Variants in STPG2 observed in about 807,000 individuals in gnomAD.
STPG2 encodes the protein sperm tail PG-rich repeat containing 2.
In STPG2, 56 loss-of-function variants were observed where a neutral mutation model predicts 54.2. The observed-to-expected ratio is 1.03, with a 90% confidence interval of 0.83 to 1.29. STPG2 has a LOEUF of 1.29. Ranked by LOEUF, STPG2 falls within the 50% of genes most tolerant of loss-of-function variation. STPG2 has a pLI of 0.00. For missense variants in STPG2, 596 were observed against 544.9 expected, an observed-to-expected ratio of 1.09 and a Z score of -0.93; for synonymous variants, 200 against 181.8, an observed-to-expected ratio of 1.10 and a Z score of -0.81.
intron 10 of STPG2, among the ~76,000 whole-genome samples, 169 bp from the exon 11 acceptor site, chr4:97,559,286 G>A (rs544641602): frequency 7.9e-5 from 12 of 152,106 alleles, no homozygotes; most frequent in African/African-American, 2.4e-4. Context: ...TTATTACTTC[G>A]TTCAAAAATT....
intron 6 of STPG2, among the ~76,000 whole-genome samples, chr4:97,975,518 T>C (rs1734469058): frequency 6.6e-6 from 1 of 152,206 alleles, no homozygotes; most frequent in African/African-American, 2.4e-5. Context: ...ATATTTTTCA[T>C]TTAAAATAAT....
intron 3 of STPG2, among the ~76,000 whole-genome samples, chr4:98,112,026 C>T (rs981688509): frequency 1.3e-5 from 2 of 152,004 alleles, no homozygotes; most frequent in African/African-American, 4.8e-5. Flanking sequence ...TTGAACTCAG[C>T]TACTCCACCA....
intron 9 of STPG2, among the ~76,000 whole-genome samples, chr4:97,779,169 A>G (rs1311139806): frequency 6.6e-6 from 1 of 152,220 alleles, no homozygotes; most frequent in Non-Finnish European, 1.5e-5. Flanking sequence ...AACCCAAAGA[A>G]GCTGAAAACC....
At chr4:97,889,053 C>T (rs907015665) in intron 8 of STPG2, among the ~76,000 whole-genome samples, 4 of 151,972 alleles carry the variant, frequency 2.6e-5, no homozygotes, top group Non-Finnish European at 5.9e-5. Context: ...TCCTGTACAG[C>T]CTGCAGAACT....
chr4:97,802,765 C>A (rs1404758058), intron 9 of STPG2, among the ~76,000 whole-genome samples: 2 of 152,104 alleles, frequency 1.3e-5, no homozygotes, highest in African/African-American at 2.4e-5. Flanking sequence ...GCCACCGCGC[C>A]CGGCCCTATC....
rs773764617 is a variant in STPG2, at chr4:97,712,751, G to T, written c.1268C>A (p.Ser423Ter). 2.5e-6 allele frequency: 4 copies of T among 1,609,932 alleles called. No homozygotes were observed. The South Asian group carries it at 3.3e-5, about 13-fold the overall frequency. The change falls in exon 10 of 11, where the codon TCA becomes TAA. Residue 423 changes from serine (S) to a stop codon, truncating the protein, a stop_gained. Transcript: ENST00000295268. LOFTEE classifies it high-confidence loss of function. ...SCPIPLFVKASKRFEESKEIT... is the reference protein window; with the variant it reads ...SCPIPLFVKA ...CTCTTTGGACTCTTCAAAGCGCTTT[G>T]ATGCTTTCACAAATAAGGGTATGGG...
chr4:97,468,853 A>C (rs564793471), intron 4 of STPG2, among the ~76,000 whole-genome samples: 2 of 152,158 alleles, frequency 1.3e-5, no homozygotes, highest in South Asian at 4.1e-4. Context: ...ACCTAAGAAA[A>C]GCAGTTTTAT....
intron 5 of STPG2, among the ~76,000 whole-genome samples, chr4:97,999,799 T>C (rs1375771783): frequency 6.6e-6 from 1 of 152,190 alleles, no homozygotes; most frequent in Non-Finnish European, 1.5e-5. Context: ...AGGTGTCATA[T>C]AGACAATAAT....
chr4:97,666,485 A>G (rs551290487), intron 10 of STPG2, among the ~76,000 whole-genome samples: 10 of 152,370 alleles, frequency 6.6e-5, no homozygotes, highest in African/African-American at 2.2e-4. Context: ...TAAAGGATCA[A>G]TAAGTAATAT....
chr4:97,498,898 C>A (rs930704924), intron 4 of STPG2, among the ~76,000 whole-genome samples: 3 of 151,816 alleles, frequency 2.0e-5, no homozygotes, highest in Non-Finnish European at 4.4e-5. Flanking sequence ...ACAGAATATG[C>A]AGCCAGAAAA....
chr4:97,685,044 A>G (rs1255116386), intron 10 of STPG2, among the ~76,000 whole-genome samples: 1 of 152,060 alleles, frequency 6.6e-6, no homozygotes, highest in African/African-American at 2.4e-5. Context: ...ACCTATCAGA[A>G]TGGCCAAAAT....
intron 9 of STPG2, among the ~76,000 whole-genome samples, chr4:97,736,427 C>A (rs1043161866): frequency 2.0e-5 from 3 of 152,198 alleles, no homozygotes; most frequent in East Asian, 1.9e-4. Flanking sequence ...TCAGGAAGCA[C>A]AAGGGGTCAG....
At chr4:97,663,268 G>A (rs1468759104) in intron 10 of STPG2, among the ~76,000 whole-genome samples, 1 of 152,018 alleles carries the variant, frequency 6.6e-6, no homozygotes, top group Non-Finnish European at 1.5e-5. Flanking sequence ...GCTTGGGCTG[G>A]AAATATAAAC....
chr4:97,874,531 A>C (rs1003193379), intron 8 of STPG2, among the ~76,000 whole-genome samples: 3 of 151,748 alleles, frequency 2.0e-5, no homozygotes, highest in African/African-American at 7.2e-5. Context: ...TTCCATAGAC[A>C]TCCACGTGGA....
chr4:97,967,107 G>A (rs1734130033), intron 7 of STPG2, among the ~76,000 whole-genome samples: 1 of 149,144 alleles, frequency 6.7e-6, no homozygotes, highest in East Asian at 2.0e-4. Flanking sequence ...CTGTATTCAG[G>A]AGATCCATCT....
At chr4:97,643,896 C>T (rs1487295835) in intron 10 of STPG2, among the ~76,000 whole-genome samples, 3 of 151,696 alleles carry the variant, frequency 2.0e-5, no homozygotes, top group Non-Finnish European at 4.4e-5. Flanking sequence ...ACAAACTGGG[C>T]CTTACAAACT....
At chr4:97,993,970 C>CT (rs1195444647) in intron 5 of STPG2, among the ~76,000 whole-genome samples, 30 of 151,882 alleles carry the variant, frequency 2.0e-4, no homozygotes, top group African/African-American at 6.5e-4. Flanking sequence ...TTTGGATCTT[C>CT]TCTCTTCATT....
At chr4:97,468,649 C>T (rs1006292913) in intron 4 of STPG2, among the ~76,000 whole-genome samples, 2 of 151,950 alleles carry the variant, frequency 1.3e-5, no homozygotes, top group African/African-American at 4.8e-5. Context: ...TGGAGGTGGT[C>T]ATTGTAAATA....
intron 8 of STPG2, among the ~76,000 whole-genome samples, chr4:97,862,995 G>A (rs961827698): frequency 6.6e-6 from 1 of 152,130 alleles, no homozygotes; most frequent in Non-Finnish European, 1.5e-5. Context: ...CAGAAAGCAG[G>A]AAAGATCTAA....
Sources: allele counts gnomAD v4.1 joint callset (sites outside exome capture counted in the v4.1 genomes callset), GRCh38; gene constraint gnomAD v4.1.1; transcripts MANE v1.5; gene names NCBI Gene and HGNC (gene_info 2026-07-23, HGNC 2026-07-21).